Variants in B3GAT2 observed in about 807,000 individuals in gnomAD.
B3GAT2 encodes the protein beta-1,3-glucuronyltransferase 2.
B3GAT2 carries 26 observed loss-of-function variants against 27.8 expected under a neutral mutation model. The observed-to-expected ratio is 0.93, with a 90% CI of 0.68 to 1.30. The LOEUF is 1.30. B3GAT2 is among the 50% of genes most tolerant of loss of function. B3GAT2 has a pLI of 0.00. For synonymous variants in B3GAT2, 218 were observed against 195.1 expected (o/e 1.12, Z -0.98); for missense variants, 458 against 459.0 (o/e 1.00, Z 0.02).
chr6:70,934,831 A>C (rs1449184868), intron 1 of B3GAT2, among the ~76,000 whole-genome samples: 4 of 152,222 alleles, frequency 2.6e-5, no homozygotes, highest in African/African-American at 9.6e-5. Context: ...TATATAATCA[A>C]CAACAAAATG....
At chr6:70,953,797 C>A (rs1765609977) in intron 1 of B3GAT2, among the ~76,000 whole-genome samples, 1 of 152,240 alleles carries the variant, frequency 6.6e-6, no homozygotes, top group Admixed American at 6.5e-5. Flanking sequence ...TCCTCTCTGA[C>A]AACACTATTT....
intron 1 of B3GAT2, among the ~76,000 whole-genome samples, chr6:70,924,668 C>A (rs970614248): frequency 1.3e-5 from 2 of 152,164 alleles, no homozygotes; most frequent in Non-Finnish European, 2.9e-5. Flanking sequence ...CTGATCCAAC[C>A]AGCCTGCATC....
intron 2 of B3GAT2, among the ~76,000 whole-genome samples, chr6:70,869,532 C>A (rs1224066797): frequency 6.6e-6 from 1 of 152,178 alleles, no homozygotes; most frequent in Non-Finnish European, 1.5e-5. Context: ...TGACCCATAA[C>A]AATATTAAGT....
At chr6:70,870,282 A>C (rs866419648) in intron 2 of B3GAT2, among the ~76,000 whole-genome samples, 2 of 151,264 alleles carry the variant, frequency 1.3e-5, no homozygotes, top group African/African-American at 2.4e-5. Flanking sequence ...TCAGCAAACT[A>C]TCGCAAGGAC....
chr6:70,956,903 C>T lies in B3GAT2; in HGVS notation c.-474G>A. 9.8e-7 allele frequency: 1 copy of T among 1,018,912 alleles called. No individual in the cohort carries two copies. The highest frequency in any genetic ancestry group is 1.1e-4 in the East Asian group (1 of 8,984). 63.1% of individuals were successfully genotyped at this position (1,018,912 alleles called of 1,614,324 possible). On this transcript the variant is annotated 5_prime_UTR_variant, in exon 1 of 4. Coordinates refer to ENST00000230053, the MANE Select transcript of B3GAT2 (RefSeq NM_080742.3). The stretch of plus-strand genomic sequence containing the variant: ...CTGGGACGCCTTCGAGGGCGGGCGG[C>T]GGCGCTGGGGGCTTTCCTTCCTCAC...
intron 1 of B3GAT2, among the ~76,000 whole-genome samples, chr6:70,925,841 C>A (rs963453187): frequency 6.6e-6 from 1 of 152,236 alleles, no homozygotes; most frequent in Admixed American, 6.5e-5. Flanking sequence ...GGACAGACTG[C>A]CTCCTCAAGT....
intron 1 of B3GAT2, among the ~76,000 whole-genome samples, chr6:70,927,549 T>G (rs1334607479): frequency 6.6e-6 from 1 of 152,122 alleles, no homozygotes; most frequent in Admixed American, 6.5e-5. Context: ...AAACAGACTT[T>G]AAACCAACAA....
Position 70,858,214 on chromosome 6 carries a change from G to A in B3GAT2, c.*3449C>T, listed in dbSNP as rs1238919492. Reference sequence around the variant, plus strand: ...GCCTGCCGCAAGCTCAGCAGCCCCAGTGGAGCCTCTCACAGGTAGGGGTCA... The same window carrying A: ...GCCTGCCGCAAGCTCAGCAGCCCCAATGGAGCCTCTCACAGGTAGGGGTCA... On this transcript the variant is annotated 3_prime_UTR_variant, in exon 4 of 4. Transcript: ENST00000230053. The A allele has an allele frequency of 6.2e-7, 1 of 1,600,938 alleles. No individual in the cohort carries two copies. Among genetic ancestry groups the A allele is most frequent in the Non-Finnish European group, 8.5e-7 (1 of 1,172,270 alleles).
At position 70,860,367 on chromosome 6, in the gene B3GAT2, A is replaced by G; in HGVS notation, c.*1296T>C. The G allele has an allele frequency of 6.3e-7, 1 of 1,582,574 alleles. No homozygotes were observed. On this transcript the variant is annotated 3_prime_UTR_variant, in exon 4 of 4. Transcript: ENST00000230053. ...AATACAAGTTTCATCCAGAACTACC[A>G]CCTGACATTCCTTGCTGAAACGCAT... is the stretch of plus-strand genomic sequence containing the variant.
intron 1 of B3GAT2, among the ~76,000 whole-genome samples, chr6:70,948,992 A>G (rs1765536041): frequency 6.6e-6 from 1 of 152,230 alleles, no homozygotes; most frequent in Non-Finnish European, 1.5e-5. Flanking sequence ...GGTGTTGGGA[A>G]AACTGGCTAG....
At chr6:70,898,578 T>C (rs562939088) in intron 1 of B3GAT2, among the ~76,000 whole-genome samples, 4 of 152,306 alleles carry the variant, frequency 2.6e-5, no homozygotes, top group Admixed American at 2.6e-4. Context: ...ACAATAGTAC[T>C]GTGGGTTTTT....
Position 70,956,421 on chromosome 6 carries a change from G to A in B3GAT2, c.9C>T (p.Ser3=), listed in dbSNP as rs753287916. 6.4e-7 allele frequency: 1 copy of A among 1,551,384 alleles called. No homozygotes were observed. Among genetic ancestry groups the A allele is most frequent in the Admixed American group, 2.0e-5 (1 of 51,012 alleles). MK[S]ALFTRFFILL... ...GGATAAAGAAGCGGGTGAAAAGCGCGGACTTCATGGTGCACGCTCCCTGGC... is the reference window on the plus strand; with the variant it reads ...GGATAAAGAAGCGGGTGAAAAGCGCAGACTTCATGGTGCACGCTCCCTGGC... The change falls in exon 1 of 4, where the codon TCC becomes TCT. Residue 3 remains serine, a synonymous_variant. Transcript: ENST00000230053.
chr6:70,869,658 T>C (rs1445908712), intron 2 of B3GAT2, among the ~76,000 whole-genome samples: 5 of 152,236 alleles, frequency 3.3e-5, no homozygotes, highest in African/African-American at 9.6e-5. Context: ...TCTGACACTA[T>C]TGTGAATGAA....
chr6:70,893,324 C>A (rs1482279787), intron 2 of B3GAT2, among the ~76,000 whole-genome samples: 1 of 152,126 alleles, frequency 6.6e-6, no homozygotes, highest in African/African-American at 2.4e-5. Context: ...CCCGACAGAG[C>A]TGTGCTTCAG....
intron 1 of B3GAT2, among the ~76,000 whole-genome samples, chr6:70,927,553 C>T (rs113650303): frequency 6.6e-6 from 1 of 152,102 alleles, no homozygotes; most frequent in African/African-American, 2.4e-5. Flanking sequence ...AGACTTTAAA[C>T]CAACAAAGAT....
intron 2 of B3GAT2, among the ~76,000 whole-genome samples, chr6:70,880,019 G>T (rs1772075711): frequency 7.1e-6 from 1 of 140,490 alleles, no homozygotes; most frequent in Non-Finnish European, 1.5e-5. Context: ...TTGGGGATAA[G>T]AAATGAAGCT....
At chr6:70,872,776 C>T (rs1771958345) in intron 2 of B3GAT2, among the ~76,000 whole-genome samples, 2 of 151,896 alleles carry the variant, frequency 1.3e-5, no homozygotes, top group South Asian at 4.2e-4. Flanking sequence ...TTCTCTATTA[C>T]TGCCTTCTTT....
chr6:70,902,230 C>T (rs1772510933), intron 1 of B3GAT2, among the ~76,000 whole-genome samples: 1 of 152,022 alleles, frequency 6.6e-6, no homozygotes, highest in Non-Finnish European at 1.5e-5. Flanking sequence ...ATAGTTCCTC[C>T]TACATATAGT....
intron 1 of B3GAT2, among the ~76,000 whole-genome samples, chr6:70,926,284 C>G (rs756864210): frequency 3.3e-5 from 5 of 152,182 alleles, no homozygotes; most frequent in Non-Finnish European, 7.3e-5. Flanking sequence ...AGGATCGCAG[C>G]TCCTCGCCAG....
Sources: allele counts gnomAD v4.1 joint callset (sites outside exome capture counted in the v4.1 genomes callset), GRCh38; gene constraint gnomAD v4.1.1; transcripts MANE v1.5; gene names NCBI Gene and HGNC (gene_info 2026-07-23, HGNC 2026-07-21).